ACTN3: variants seen among roughly 807,000 people sequenced by gnomAD.
The protein encoded by ACTN3 is actinin alpha 3.
ACTN3 carries 91 observed loss-of-function variants against 119.6 expected under a neutral mutation model. That is an observed-to-expected ratio of 0.76 (90% CI 0.64 to 0.91). The LOEUF is 0.91. Among genes scored for constraint, ACTN3 ranks in the 40% least tolerant of loss-of-function variants. The probability of loss-of-function intolerance (pLI) is 0.00; values close to 1 mark genes in which losing one functional copy is unlikely to be tolerated. For missense variants in ACTN3, 1,221 were observed against 1,215.1 expected (o/e 1.00, Z -0.07); for synonymous variants, 456 against 478.8 (o/e 0.95, Z 0.62).
rs1316776642 is a variant in ACTN3, at chr11:66,557,945, A to G, written c.1128+16A>G. 2 of 1,613,426 alleles carry G rather than the reference A, an allele frequency of 1.2e-6. No individual in the cohort carries two copies. The highest frequency in any genetic ancestry group is 2.2e-5 in the South Asian group (2 of 91,016). On this transcript the variant is annotated intron_variant, in intron 10 of 20. Coordinates refer to ENST00000513398, the MANE Select transcript of ACTN3 (RefSeq NM_001104.4). ...GCTGGTCTCGGTGAGCTCTACACAC[A>G]TTCCCTAGGTGACCTTGAGGTCCGT...
rs146294881 is a variant in ACTN3 at position 66,556,166 on chromosome 11, C to T, written c.740C>T (p.Pro247Leu). The change falls in exon 8 of 21, where the codon CCG becomes CTG. Residue 247 changes from proline to leucine, a missense_variant. Transcript: ENST00000513398. ...DAEDIVNTPK[P>L]DEKAIMTYVS... ...CTAGACATTGTGAACACCCCAAAGCCGGATGAGAAGGCCATCATGACCTAT... is the reference window on the plus strand; with the variant it reads ...CTAGACATTGTGAACACCCCAAAGCTGGATGAGAAGGCCATCATGACCTAT... 348 of 1,613,824 alleles carry T rather than the reference C, an allele frequency of 2.2e-4. 2 individuals carry two copies. In the East Asian group the frequency reaches 5.1e-3, roughly 24 times the overall value.
intron 3 of ACTN3, among the ~76,000 whole-genome samples, chr11:66,552,878 T>A (rs1449375115): frequency 4.2e-5 from 3 of 72,020 alleles, no homozygotes; most frequent in African/African-American, 8.6e-5. Context: ...TCTCTCTCTC[T>A]CTCACACACA....
In ACTN3 at chr11:66,560,646, G is replaced by A. The variant is rs1857735101; in HGVS notation, c.1751G>A (p.Gly584Asp). The A allele has an allele frequency of 2.5e-6, 4 of 1,613,756 alleles. No homozygotes were observed. In the South Asian group the frequency reaches 3.3e-5, roughly 13 times the overall value. The change falls in exon 15 of 21, where the codon GGC becomes GAC. Residue 584 changes from glycine to aspartate, a missense_variant. Transcript: ENST00000513398. ...GACCGAGAGCGAGGTGCCATCATGG[G>A]CATCCAGGGTGAGATCCAGAAGATC... ...EADRERGAIMGIQGEIQKICQ... is the reference protein window; with the variant it reads ...EADRERGAIMDIQGEIQKICQ...
upstream of ACTN3, chr11:66,546,678 C>T (rs1857348449): frequency 2.0e-6 from 3 of 1,532,568 alleles, no homozygotes; most frequent in African/African-American, 1.4e-5. Context: ...CAAGGTCACA[C>T]AGCGCCCCAG....
At chr11:66,546,572 G>T (rs781556312), upstream of ACTN3, 4 of 1,535,690 alleles carry the variant, frequency 2.6e-6, no homozygotes, top group Non-Finnish European at 8.7e-7. Context: ...AGGAGCTCCA[G>T]AGGGCAGCCT....
At chr11:66,554,413 G>A (rs1423074608) in intron 4 of ACTN3, 123 bp from the exon 5 acceptor site, 7 of 745,362 alleles carry the variant, frequency 9.4e-6, no homozygotes, top group Middle Eastern at 3.1e-4. Flanking sequence ...AGCCATGATC[G>A]TGTCACTGCA....
chr11:66,561,272 C>A lies in ACTN3; in HGVS notation c.1906C>A (p.Leu636Met). 1 of 1,602,938 alleles carries A rather than the reference C, an allele frequency of 6.2e-7. No individual in the cohort carries two copies. Among genetic ancestry groups the A allele is most frequent in the Middle Eastern group, 2.1e-4 (1 of 4,758 alleles). Residue 636 changes from leucine to methionine, a missense_variant, in exon 16 of 21, where the codon CTG (leucine) becomes ATG (methionine). By Grantham distance (15) the Leu-to-Met change is conservative (BLOSUM62 2). Transcript: ENST00000513398. Reference sequence around the variant, plus strand: ...CTGTGACCAGACACTGCAGGAGGAGCTGGCACGGCAGCAGGTAAACGAGAG... The same window carrying A: ...CTGTGACCAGACACTGCAGGAGGAGATGGCACGGCAGCAGGTAAACGAGAG... ...PSCDQTLQEE[L>M]ARQQVNERLR...
chr11:66,552,871 C>CT (rs1857504659), intron 3 of ACTN3, among the ~76,000 whole-genome samples: 1 of 73,350 alleles, frequency 1.4e-5, no homozygotes, highest in South Asian at 3.2e-4. Flanking sequence ...CTCTCTCTCT[C>CT]TCTCTCTCTC....
intron 4 of ACTN3, 73 bp from the exon 5 acceptor site, chr11:66,554,463 A>AG (rs1857546569): frequency 8.0e-7 from 1 of 1,243,914 alleles, no homozygotes; most frequent in African/African-American, 1.5e-5. Context: ...TCTCAAAAAA[A>AG]AAAAAAAAAG....
At chr11:66,560,377 A>G (rs1857725058) in intron 14 of ACTN3, 66 bp downstream of exon 14, 1 of 1,557,934 alleles carries the variant, frequency 6.4e-7, no homozygotes, top group African/African-American at 1.4e-5. Flanking sequence ...TCTGCCACCC[A>G]CAACTTTAGG....
In ACTN3 at chr11:66,546,997, C is replaced by T. The variant is rs749984975; in HGVS notation, c.60C>T (p.Gly20=). The change falls in exon 1 of 21, where the codon GGC becomes GGT. Residue 20 remains glycine, a synonymous_variant. Coordinates refer to ENST00000513398, the MANE Select transcript of ACTN3 (RefSeq NM_001104.4). The part of the protein sequence containing the change: ...LGAGEGRFAG[G]GGGGEYMEQE... ...CCGGGGAGGGGCGCTTTGCGGGCGGCGGCGGGGGCGGCGAGTACATGGAAC... is the reference window on the plus strand; with the variant it reads ...CCGGGGAGGGGCGCTTTGCGGGCGGTGGCGGGGGCGGCGAGTACATGGAAC... 2 of 1,518,130 alleles carry T rather than the reference C, an allele frequency of 1.3e-6. No individual in the cohort carries two copies. Among genetic ancestry groups the T allele is most frequent in the South Asian group, 1.3e-5 (1 of 74,566 alleles). The allele number at this position is 1,518,130 out of a possible 1,614,324, so 94.0% of individuals were successfully genotyped here. A position where few individuals can be genotyped will look rare whatever the true frequency, so the allele number is the denominator to read the frequency against.
At position 66,563,279 on chromosome 11, in the gene ACTN3, A is replaced by G; in HGVS notation, c.*86A>G. 6.8e-7 allele frequency: 1 copy of G among 1,464,956 alleles called. No individual in the cohort carries two copies. Among genetic ancestry groups the G allele is most frequent in the Non-Finnish European group, 9.1e-7 (1 of 1,101,290 alleles). 90.7% of individuals were successfully genotyped at this position (1,464,956 alleles called of 1,614,324 possible). A position where few individuals can be genotyped will look rare whatever the true frequency, so the allele number is the denominator to read the frequency against. ...ATCCGTCCCTCGGAGCAAGGGCCTA[A>G]GAGAAAAGCCAGCCAAGTGCTTCTG... On this transcript the variant is annotated 3_prime_UTR_variant, in exon 21 of 21. Coordinates refer to ENST00000513398, the MANE Select transcript of ACTN3 (RefSeq NM_001104.4).
At chr11:66,553,693 ACC>A (rs1186357531) in intron 3 of ACTN3, among the ~76,000 whole-genome samples, 1 of 151,164 alleles carries the variant, frequency 6.6e-6, no homozygotes, top group Non-Finnish European at 1.5e-5. Flanking sequence ...ACATGGTGAA[ACC>A]CCTTCTCTAC....
rs777052922 is a variant in ACTN3, at chr11:66,561,652, T to C, written c.2175+15T>C. ...ACAGCATGGAGGTGGGATCACACCCTCTCAGGAGAGTGGGGAGGCAGCACT... is the reference window on the plus strand; with the variant it reads ...ACAGCATGGAGGTGGGATCACACCCCCTCAGGAGAGTGGGGAGGCAGCACT... On this transcript the variant is annotated intron_variant, in intron 17 of 20. Coordinates refer to ENST00000513398, the MANE Select transcript of ACTN3 (RefSeq NM_001104.4). The C allele has an allele frequency of 6.2e-7, 1 of 1,605,490 alleles. No homozygotes were observed. Among genetic ancestry groups the C allele is most frequent in the African/African-American group, 1.3e-5 (1 of 74,794 alleles).
chr11:66,546,876 C>T (rs760167892), upstream of ACTN3: 341 of 1,509,810 alleles, frequency 2.3e-4, no homozygotes, highest in Non-Finnish European at 2.8e-4. Flanking sequence ...CTGGGCCCTA[C>T]TTAATGGGGC....
Position 66,560,096 on chromosome 11 carries a change from A to T in ACTN3, c.1536+20A>T, listed in dbSNP as rs1590810653. 1.1e-6 allele frequency: 1 copy of T among 891,728 alleles called. No individual in the cohort carries two copies. Among genetic ancestry groups the T allele is most frequent in the Admixed American group, 3.9e-5 (1 of 25,666 alleles). The allele number at this position is 891,728 out of a possible 1,614,324, so 55.2% of individuals were successfully genotyped here. A position where few individuals can be genotyped will look rare whatever the true frequency, so the allele number is the denominator to read the frequency against. On this transcript the variant is annotated intron_variant, in intron 13 of 20. Coordinates refer to ENST00000513398, the MANE Select transcript of ACTN3 (RefSeq NM_001104.4). The stretch of plus-strand genomic sequence containing the variant: ...CTAGAGGTGGGGCTGGGGGCCGGGG[A>T]GCTGGGGGGTGGGTAGGTGGGTGAG...
chr11:66,558,158 C>G lies in ACTN3; in HGVS notation c.1260C>G (p.His420Gln), dbSNP rs370647530. Residue 420 changes from histidine to glutamine, a missense_variant, in exon 11 of 21, where the codon CAC becomes CAG. Coordinates refer to ENST00000513398, the MANE Select transcript of ACTN3 (RefSeq NM_001104.4). ...AGTTCCGGCAGAAGGCCTCCCTGCA[C>G]GAAGCCTGGACCCGGGGTAGGTAGA... ...AEKFRQKASL[H>Q]EAWTRGKEEM... The G allele has an allele frequency of 2.0e-5, 33 of 1,613,378 alleles. No individual in the cohort carries two copies. In the Admixed American group the frequency reaches 2.7e-4, roughly 13 times the overall value.
At chr11:66,555,090 G>T in intron 5 of ACTN3, 40 bp from the exon 6 acceptor site, 1 of 1,605,526 alleles carries the variant, frequency 6.2e-7, no homozygotes. Flanking sequence ...CGGGGCCCCA[G>T]CTTGAACCCA....
chr11:66,548,573 G>GTCCA (rs1857411905), intron 1 of ACTN3, among the ~76,000 whole-genome samples: 1 of 152,148 alleles, frequency 6.6e-6, no homozygotes, highest in Non-Finnish European at 1.5e-5. Context: ...TTGGACATTT[G>GTCCA]GCTCATTTCT....
Sources: gnomAD v4.1 joint callset for allele counts (sites outside exome capture counted in the v4.1 genomes callset) on GRCh38, gnomAD v4.1.1 for gene constraint, MANE v1.5 for transcripts, NCBI Gene and HGNC (gene_info 2026-07-23, HGNC 2026-07-21) for gene names.